Variants in AUTS2 observed in about 807,000 individuals in gnomAD.
AUTS2 encodes activator of transcription and developmental regulator AUTS2, also known as autism susceptibility gene 2 protein.
AUTS2 carries 17 observed loss-of-function variants against 112.4 expected under a neutral mutation model. The observed-to-expected ratio is 0.15, with a 90% CI of 0.10 to 0.23. The LOEUF (loss-of-function observed/expected upper bound fraction) is 0.23, where lower values mean the gene tolerates loss of function less well. AUTS2 is among the 10% of genes least tolerant of loss of function. The probability of loss-of-function intolerance (pLI) is 1.00; values close to 1 mark genes in which losing one functional copy is unlikely to be tolerated. For synonymous variants in AUTS2, 751 were observed against 702.7 expected (o/e 1.07, Z -1.09); for missense variants, 1,510 against 1,701.6 (o/e 0.89, Z 1.98).
intron 1 of AUTS2, among the ~76,000 whole-genome samples, chr7:69,633,420 A>G (rs1240761843): frequency 6.6e-6 from 1 of 152,152 alleles, no homozygotes; most frequent in Admixed American, 6.5e-5. Flanking sequence ...GAGTGCAGAT[A>G]TCTTTATAAG....
intron 1 of AUTS2, among the ~76,000 whole-genome samples, chr7:69,767,883 T>A (rs769261455): frequency 6.6e-6 from 1 of 152,234 alleles, no homozygotes; most frequent in East Asian, 1.9e-4. Flanking sequence ...AATGTCACTT[T>A]GTGAAACTTC....
intron 4 of AUTS2, among the ~76,000 whole-genome samples, chr7:70,250,564 A>C (rs571938073): frequency 6.6e-6 from 1 of 152,340 alleles, no homozygotes; most frequent in East Asian, 1.9e-4. Flanking sequence ...TCTTGTTTTT[A>C]ATTTTAATTA....
chr7:70,625,628 C>G (rs1266374287), intron 5 of AUTS2, among the ~76,000 whole-genome samples: 3 of 152,192 alleles, frequency 2.0e-5, no homozygotes, highest in African/African-American at 7.2e-5. Flanking sequence ...ACCTGCCAAG[C>G]ATTGTTGATT....
chr7:69,744,866 A>C (rs1787421764), intron 1 of AUTS2, among the ~76,000 whole-genome samples: 1 of 152,112 alleles, frequency 6.6e-6, no homozygotes. Flanking sequence ...TAGAATTTCT[A>C]TAAACAAGCT....
intron 4 of AUTS2, among the ~76,000 whole-genome samples, chr7:70,261,955 T>C (rs1237456893): frequency 1.3e-5 from 2 of 152,296 alleles, no homozygotes; most frequent in East Asian, 3.9e-4. Context: ...GTTTTTTCAC[T>C]AAAAGACAAA....
chr7:69,871,819 A>T (rs1793510721), intron 1 of AUTS2, among the ~76,000 whole-genome samples: 1 of 152,120 alleles, frequency 6.6e-6, no homozygotes, highest in South Asian at 2.1e-4. Context: ...TGAGTTGCTT[A>T]TTTCTGGAAT....
intron 1 of AUTS2, among the ~76,000 whole-genome samples, chr7:69,781,992 G>A (rs949017076): frequency 3.3e-5 from 5 of 152,152 alleles, no homozygotes; most frequent in Non-Finnish European, 7.3e-5. Flanking sequence ...AGAATAACCC[G>A]AGGGAACTTG....
At chr7:70,577,363 G>C (rs543507308) in intron 5 of AUTS2, among the ~76,000 whole-genome samples, 57 of 152,138 alleles carry the variant, frequency 3.7e-4, no homozygotes, top group African/African-American at 1.4e-3. Context: ...ATACCCACAT[G>C]GTTTATTTTT....
intron 4 of AUTS2, among the ~76,000 whole-genome samples, chr7:70,185,221 A>G (rs908400128): frequency 1.0e-4 from 15 of 149,272 alleles, no homozygotes; most frequent in Admixed American, 3.4e-4. Context: ...AACTGTCAAA[A>G]CCAGTGGTGT....
intron 6 of AUTS2, among the ~76,000 whole-genome samples, chr7:70,723,501 C>T (rs980967953): frequency 6.6e-6 from 1 of 151,958 alleles, no homozygotes. Context: ...GCCCCTAGAG[C>T]CTGCACTCTT....
chr7:70,298,240 C>G (rs964228797), intron 4 of AUTS2, among the ~76,000 whole-genome samples: 5 of 152,068 alleles, frequency 3.3e-5, no homozygotes, highest in Non-Finnish European at 7.4e-5. Flanking sequence ...CCATGTTGGC[C>G]AGACTGGTCT....
At chr7:69,767,663 T>G (rs937972799) in intron 1 of AUTS2, among the ~76,000 whole-genome samples, 2 of 152,220 alleles carry the variant, frequency 1.3e-5, no homozygotes, top group African/African-American at 4.8e-5. Flanking sequence ...ACCCATTGTA[T>G]GTGCAGTGGC....
chr7:69,865,758 A>G (rs147605064), intron 1 of AUTS2, among the ~76,000 whole-genome samples: 600 of 152,270 alleles, frequency 3.9e-3, no homozygotes, highest in South Asian at 7.0e-3. Context: ...ATCAGTGCAT[A>G]TCATCCATTA....
chr7:70,563,524 T>C (rs1801576670), intron 5 of AUTS2, among the ~76,000 whole-genome samples: 2 of 152,230 alleles, frequency 1.3e-5, no homozygotes, highest in Non-Finnish European at 2.9e-5. Context: ...GTTTCTCACT[T>C]CAGGACATTA....
chr7:69,729,284 A>G (rs1210092633), intron 1 of AUTS2, among the ~76,000 whole-genome samples: 1 of 152,020 alleles, frequency 6.6e-6, no homozygotes, highest in African/African-American at 2.4e-5. Context: ...TTCTCAACTT[A>G]TGATTGTATT....
chr7:70,065,981 G>T (rs574488226), intron 2 of AUTS2, among the ~76,000 whole-genome samples: 1 of 152,070 alleles, frequency 6.6e-6, no homozygotes, highest in African/African-American at 2.4e-5. Context: ...CAGGTAGCTG[G>T]TATTGTATGA....
chr7:69,751,943 T>A (rs1468077067), intron 1 of AUTS2, among the ~76,000 whole-genome samples: 2 of 152,220 alleles, frequency 1.3e-5, no homozygotes, highest in Admixed American at 1.3e-4. Context: ...ATGAAGTTCT[T>A]ATAATAGTGC....
intron 2 of AUTS2, among the ~76,000 whole-genome samples, chr7:70,069,700 T>G (rs926638506): frequency 1.4e-3 from 175 of 128,046 alleles, no homozygotes; most frequent in African/African-American, 4.9e-3. Context: ...AAGGCCATGG[T>G]TTTTTTTGTT....
At chr7:70,774,607 A>G (rs1381869184) in intron 12 of AUTS2, among the ~76,000 whole-genome samples, 3 of 152,212 alleles carry the variant, frequency 2.0e-5, no homozygotes, top group Non-Finnish European at 4.4e-5. Context: ...AGCTAAATAA[A>G]ATATCCATTA....
Sources: gnomAD v4.1 joint callset for allele counts (sites outside exome capture counted in the v4.1 genomes callset) on GRCh38, gnomAD v4.1.1 for gene constraint, MANE v1.5 for transcripts, NCBI Gene and HGNC (gene_info 2026-07-23, HGNC 2026-07-21) for gene names.